Variants in SIK3 observed in about 807,000 individuals in gnomAD.
SIK3 encodes SIK family kinase 3.
In SIK3, 28 loss-of-function variants were observed where a neutral mutation model predicts 144.2. The ratio of observed to expected loss-of-function variants is 0.19; its 90% CI spans 0.14 to 0.27. The LOEUF (loss-of-function observed/expected upper bound fraction) is 0.27, where lower values mean the gene tolerates loss of function less well. SIK3 is among the 10% of genes least tolerant of loss of function. The pLI, the probability that SIK3 is intolerant of heterozygous loss-of-function variation, is 1.00. For synonymous variants in SIK3, 686 were observed against 676.3 expected, an observed-to-expected ratio of 1.01 and a Z score of -0.22; for missense variants, 1,319 against 1,776.0, an observed-to-expected ratio of 0.74 and a Z score of 4.62.
At chr11:117,030,418 C>A (rs909844281) in intron 1 of SIK3, among the ~76,000 whole-genome samples, 5 of 151,988 alleles carry the variant, frequency 3.3e-5, no homozygotes, top group Admixed American at 6.5e-5. Context: ...AGATTATGAG[C>A]CATTTAAAAT....
At chr11:117,071,732 T>C (rs1954287798) in intron 1 of SIK3, among the ~76,000 whole-genome samples, 1 of 151,936 alleles carries the variant, frequency 6.6e-6, no homozygotes, top group Middle Eastern at 3.2e-3. Flanking sequence ...TCCTCTCACT[T>C]TGCCTATTGA....
Position 116,947,157 on chromosome 11 carries a change from A to ATAATATATGAATTATTAT in SIK3, c.454+6886_454+6887insATAATAATTCATATATTA, listed in dbSNP as rs1372096243. ...ATAAATTATTATTTATATATAATATATTATATATAAATTATTATTTATATA... is the reference window on the plus strand; with the variant it reads ...ATAAATTATTATTTATATATAATATATAATATATGAATTATTATTTATATATAAATTATTATTTATATA... On this transcript the variant is annotated intron_variant, in intron 3 of 24. Transcript: ENST00000445177. Among the ~76,000 whole-genome samples, 143 of 138,428 alleles carry ATAATATATGAATTATTAT rather than the reference A, an allele frequency of 1.0e-3. 1 individual carries two copies. Among genetic ancestry groups the ATAATATATGAATTATTAT allele is most frequent in the Non-Finnish European group, 1.6e-3 (108 of 65,998 alleles). The allele number at this position is 138,428 out of a possible 152,430, so 90.8% of individuals were successfully genotyped here. A position where few individuals can be genotyped will look rare whatever the true frequency, so the allele number is the denominator to read the frequency against.
chr11:116,960,008 T>C (rs1387672039), intron 1 of SIK3, among the ~76,000 whole-genome samples: 2 of 152,190 alleles, frequency 1.3e-5, no homozygotes, highest in African/African-American at 4.8e-5. Context: ...TTACATGTTG[T>C]ATCCATGCAG....
chr11:116,955,330 G>A (rs1461421200), intron 2 of SIK3, among the ~76,000 whole-genome samples: 2 of 152,160 alleles, frequency 1.3e-5, no homozygotes, highest in African/African-American at 2.4e-5. Context: ...CCCAGGAGGC[G>A]CAGGCTGCAG....
At chr11:116,949,613 ACAGGTGTGCACC>A in intron 3 of SIK3, among the ~76,000 whole-genome samples, 1 of 152,268 alleles carries the variant, frequency 6.6e-6, no homozygotes, top group Non-Finnish European at 1.5e-5. Flanking sequence ...AGCTAGAATT[ACAGGTGTGCACC>A]CAGCCAGTGA....
rs535695333 is a variant in SIK3 at position 117,000,615 on chromosome 11, A to C, written c.274-43551T>G. Among the ~76,000 whole-genome samples the C allele has an allele frequency of 2.6e-4, 40 of 152,318 alleles. 1 individual carries two copies. The South Asian group carries it at 7.9e-3, about 30-fold the overall frequency. On this transcript the variant is annotated intron_variant, in intron 1 of 24. Transcript: ENST00000445177. ...ATTAGATCCCATCAAATTATAACTG[A>C]TTCATCTCTTCCTACCTTGCCCAAA... is the stretch of plus-strand genomic sequence containing the variant.
intron 1 of SIK3, among the ~76,000 whole-genome samples, chr11:117,055,521 G>C (rs957114590): frequency 1.3e-5 from 2 of 152,212 alleles, no homozygotes; most frequent in Non-Finnish European, 2.9e-5. Context: ...GTTTGGATGA[G>C]GGAACAGAAG....
At chr11:116,923,787 C>A (rs1031031113) in intron 4 of SIK3, among the ~76,000 whole-genome samples, 1 of 152,174 alleles carries the variant, frequency 6.6e-6, no homozygotes, top group African/African-American at 2.4e-5. Context: ...GCTGCCAGCA[C>A]CCCGGAGTCT....
In SIK3 at chr11:116,844,640, T is replaced by TACACA. The variant is rs1212268982; in HGVS notation, c.*1002_*1003insTGTGT. 9.5e-3 allele frequency: 813 copies of TACACA among 85,944 alleles called. 26 individuals carry two copies. Among genetic ancestry groups the TACACA allele is most frequent in the African/African-American group, 0.053 (756 of 14,270 alleles). 5.3% of individuals were successfully genotyped at this position (85,944 alleles called of 1,614,324 possible). A position where few individuals can be genotyped will look rare whatever the true frequency, so the allele number is the denominator to read the frequency against. Reference sequence around the variant, plus strand: ...TATAATATATATATAATATATTATATTATATATTATATATATAATATATAT... The same window carrying TACACA: ...TATAATATATATATAATATATTATATACACATATATATTATATATATAATATATAT... On this transcript the variant is annotated 3_prime_UTR_variant, in exon 25 of 25. Transcript: ENST00000445177.
chr11:116,846,436 T>C lies in SIK3; in HGVS notation c.4070A>G (p.His1357Arg). 6.2e-7 allele frequency: 1 copy of C among 1,614,196 alleles called. No homozygotes were observed. The highest frequency in any genetic ancestry group is 1.7e-5 in the Admixed American group (1 of 60,032). Residue 1357 changes from histidine (H) to arginine (R), a missense_variant, in exon 24 of 25, where the codon CAC becomes CGC. By Grantham distance (29) the His-to-Arg change is conservative. Transcript: ENST00000445177. The surrounding 1 kb of genome is among the most constrained non-coding windows in gnomAD (Gnocchi z 4.1). ...CTCCATGCTGAAGGAGACTTCGGGGTGCTTGTAGCTGAGCAGAATGTCTGT... is the reference window on the plus strand; with the variant it reads ...CTCCATGCTGAAGGAGACTTCGGGGCGCTTGTAGCTGAGCAGAATGTCTGT... ...CITDILLSYK[H>R]PEVSFSMEQA...
intron 1 of SIK3, among the ~76,000 whole-genome samples, chr11:117,059,496 T>C (rs1434189597): frequency 6.6e-6 from 1 of 152,174 alleles, no homozygotes; most frequent in Non-Finnish European, 1.5e-5. Flanking sequence ...AAAGAAGCTT[T>C]CTTAACTTGA....
In SIK3 at chr11:116,867,436, A is replaced by G. The variant is rs1943707252; in HGVS notation, c.1952+510T>C. On this transcript the variant is annotated intron_variant, in intron 15 of 24. Transcript: ENST00000445177. This position sits in a 1 kb window ranked among gnomAD's most constrained non-coding sequence, Gnocchi z 4.1. The stretch of plus-strand genomic sequence containing the variant: ...AAAGATTTTTGCCATCAGAATATTG[A>G]AAGAATGACCTCTTAAATACATCGC... Among the ~76,000 whole-genome samples the G allele has an allele frequency of 6.6e-6, 1 of 152,236 alleles. No individual in the cohort carries two copies. Among genetic ancestry groups the G allele is most frequent in the South Asian group, 2.1e-4 (1 of 4,832 alleles).
At chr11:117,090,383 A>G (rs2134073752) in intron 1 of SIK3, among the ~76,000 whole-genome samples, 1 of 151,622 alleles carries the variant, frequency 6.6e-6, no homozygotes, top group African/African-American at 2.4e-5. Flanking sequence ...TACTTAGGAT[A>G]ATGAAAAAAA....
In SIK3 at chr11:116,956,302, A is replaced by G. The variant is rs544023676; in HGVS notation, c.390+646T>C. Among the ~76,000 whole-genome samples the G allele has an allele frequency of 4.6e-5, 7 of 151,728 alleles. No individual in the cohort carries two copies. The South Asian group carries it at 1.5e-3, about 32-fold the overall frequency. ...GTTATGCTAGGGAATCATTTTGATG[A>G]TGGCATGAAATATGCATGTTTCTTG... On this transcript the variant is annotated intron_variant, in intron 2 of 24. Transcript: ENST00000445177.
chr11:116,955,818 G>A (rs562948764), intron 2 of SIK3, among the ~76,000 whole-genome samples: 48 of 152,136 alleles, frequency 3.2e-4, no homozygotes, highest in Non-Finnish European at 6.5e-4. Flanking sequence ...CAACAGGTCT[G>A]CTCCTGTTGA....
chr11:116,993,805 A>C (rs1356651020), intron 1 of SIK3, among the ~76,000 whole-genome samples: 2 of 152,222 alleles, frequency 1.3e-5, no homozygotes, highest in African/African-American at 4.8e-5. Flanking sequence ...CCTTCATCCC[A>C]AAAGATGTAC....
chr11:116,866,061 T>C lies in SIK3; in HGVS notation c.1952+1885A>G, dbSNP rs116341622. 8.6e-3 allele frequency among the ~76,000 whole-genome samples: 1,307 copies of C among 152,220 alleles called. 14 individuals are homozygous for C. The highest frequency in any genetic ancestry group is 0.03 in the African/African-American group (1,228 of 41,534). ...CAGCAGGCAAGGCCTTGACAATGAC[T>C]CTAGGCAGGGTGGATATCACACAGA... On this transcript the variant is annotated intron_variant, in intron 15 of 24. Coordinates refer to ENST00000445177, the MANE Select transcript of SIK3 (RefSeq NM_001366686.3).
intron 1 of SIK3, among the ~76,000 whole-genome samples, chr11:116,996,137 GTC>G (rs1278583651): frequency 2.6e-5 from 4 of 151,830 alleles, no homozygotes; most frequent in African/African-American, 9.7e-5. Flanking sequence ...GCAAAACCCT[GTC>G]TCTACTAAAA....
At chr11:117,060,322 C>T (rs1483118898) in intron 1 of SIK3, among the ~76,000 whole-genome samples, 5 of 152,122 alleles carry the variant, frequency 3.3e-5, no homozygotes, top group Non-Finnish European at 5.9e-5. Flanking sequence ...ATTGGCCAGG[C>T]GAGGTGGCTC....
Sources: allele counts gnomAD v4.1 joint callset (sites outside exome capture counted in the v4.1 genomes callset), GRCh38; gene constraint gnomAD v4.1.1; non-coding constraint Gnocchi (gnomAD v3.1); transcripts MANE v1.5; gene names NCBI Gene and HGNC (gene_info 2026-07-23, HGNC 2026-07-21).